The following SLC18A2 variants were observed in gnomAD, a reference collection of about 807,000 sequenced individuals.
SLC18A2 encodes the protein synaptic vesicular amine transporter.
A neutral mutation model predicts 59.2 loss-of-function variants in SLC18A2; 33 were observed. That is an observed-to-expected ratio of 0.56 (90% confidence interval 0.42 to 0.75). The LOEUF (loss-of-function observed/expected upper bound fraction) is 0.75, where lower values mean the gene tolerates loss of function less well. SLC18A2 is among the 30% of genes least tolerant of loss of function. The pLI, the probability that SLC18A2 is intolerant of heterozygous loss-of-function variation, is 0.00. For missense variants in SLC18A2, 569 were observed against 668.6 expected (o/e 0.85, Z 1.64); for synonymous variants, 228 against 253.5 (o/e 0.90, Z 0.95).
chr10:117,241,870 C>G (rs1245487922), intron 2 of SLC18A2, 56 bp downstream of exon 2: 11 of 1,516,772 alleles, frequency 7.3e-6, no homozygotes, highest in Non-Finnish European at 9.8e-6. Flanking sequence ...GCCCCTTCCC[C>G]GGCACTCCAC....
At chr10:117,270,722 C>G (rs898569520) in intron 15 of SLC18A2, among the ~76,000 whole-genome samples, 2 of 152,078 alleles carry the variant, frequency 1.3e-5, no homozygotes, top group African/African-American at 4.8e-5. Context: ...TTTTGTCGAC[C>G]AAGTATAAAC....
chr10:117,277,537 G>A lies in SLC18A2; in HGVS notation c.*271G>A, dbSNP rs1028985481. On this transcript the variant is annotated 3_prime_UTR_variant, in exon 16 of 16. Transcript: ENST00000644641. ...TCATACAATATATTTTGATGAAATA[G>A]GTATTGTGTAAATCTATAAATATTT... is the stretch of plus-strand genomic sequence containing the variant. The A allele has an allele frequency of 1.0e-5, 2 of 195,810 alleles. No homozygotes were observed. The highest frequency in any genetic ancestry group is 2.3e-5 in the African/African-American group (1 of 42,984). The allele number at this position is 195,810 out of a possible 1,614,324, so 12.1% of individuals were successfully genotyped here.
chr10:117,254,302 T>TATCAC, intron 5 of SLC18A2, 103 bp from the exon 6 acceptor site: 1 of 1,214,786 alleles, frequency 8.2e-7, no homozygotes. Flanking sequence ...ATCTGACAGG[T>TATCAC]TTGGGAAGAT....
chr10:117,253,712 G>T (rs1844190998), intron 4 of SLC18A2, among the ~76,000 whole-genome samples: 1 of 152,132 alleles, frequency 6.6e-6, no homozygotes, highest in Admixed American at 6.5e-5. Flanking sequence ...CAGGTGTGGT[G>T]GCATGCACCT....
chr10:117,262,238 C>T (rs1844301352), intron 10 of SLC18A2, among the ~76,000 whole-genome samples: 1 of 142,904 alleles, frequency 7.0e-6, no homozygotes, highest in South Asian at 2.1e-4. Context: ...TGAATTGTGT[C>T]ATAAAACAAA....
Position 117,255,377 on chromosome 10 carries a change from C to A in SLC18A2, c.790+11C>A. 6.2e-7 allele frequency: 1 copy of A among 1,614,182 alleles called. No individual in the cohort carries two copies. Among genetic ancestry groups the A allele is most frequent in the Non-Finnish European group, 8.5e-7 (1 of 1,179,978 alleles). ...TACTCTTGGATGGAGGTGAGTGAGTCCACGTGGGCGCCATGCCATGACCTT... is the reference window on the plus strand; with the variant it reads ...TACTCTTGGATGGAGGTGAGTGAGTACACGTGGGCGCCATGCCATGACCTT... On this transcript the variant is annotated intron_variant, in intron 7 of 15. Coordinates refer to ENST00000644641, the MANE Select transcript of SLC18A2 (RefSeq NM_003054.6).
At chr10:117,275,356 T>G (rs1018406691) in intron 15 of SLC18A2, among the ~76,000 whole-genome samples, 1 of 152,190 alleles carries the variant, frequency 6.6e-6, no homozygotes, top group African/African-American at 2.4e-5. Flanking sequence ...GAGTCGAGTC[T>G]TATCTGGGGA....
At chr10:117,245,832 C>T (rs1844105531) in intron 3 of SLC18A2, among the ~76,000 whole-genome samples, 1 of 152,076 alleles carries the variant, frequency 6.6e-6, no homozygotes, top group African/African-American at 2.4e-5. Context: ...CGGACAGGAG[C>T]ACATTCTCAA....
Position 117,269,184 on chromosome 10 carries a change from TACAC to T in SLC18A2, c.1187-880_1187-877del, listed in dbSNP as rs1030966093. On this transcript the variant is annotated intron_variant, in intron 13 of 15. Coordinates refer to ENST00000644641, the MANE Select transcript of SLC18A2 (RefSeq NM_003054.6). This position sits in a 1 kb window ranked among gnomAD's most constrained non-coding sequence, Gnocchi z 5.1. ...ACATACACACATACATATACACACA[TACAC>T]ACACACCTACACACATACACATACA... Among the ~76,000 whole-genome samples the T allele has an allele frequency of 2.8e-5, 4 of 141,234 alleles. No individual in the cohort carries two copies. Among genetic ancestry groups the T allele is most frequent in the South Asian group, 2.3e-4 (1 of 4,282 alleles). 92.7% of individuals were successfully genotyped at this position (141,234 alleles called of 152,430 possible).
chr10:117,241,434 C>T (rs1239730043), intron 1 of SLC18A2, among the ~76,000 whole-genome samples: 3 of 151,942 alleles, frequency 2.0e-5, no homozygotes, highest in African/African-American at 7.2e-5. Context: ...ATCAGGGCAG[C>T]GTCCTGGGGG....
At chr10:117,258,755 C>T (rs1394798506) in intron 10 of SLC18A2, among the ~76,000 whole-genome samples, 2 of 139,352 alleles carry the variant, frequency 1.4e-5, no homozygotes, top group African/African-American at 5.4e-5. Context: ...AATATGTGTA[C>T]ACCCCCGACT....
Position 117,270,148 on chromosome 10 carries a change from T to C in SLC18A2, c.1264T>C (p.Tyr422His). 6.2e-7 allele frequency: 1 copy of C among 1,614,256 alleles called. No homozygotes were observed. The highest frequency in any genetic ancestry group is 8.5e-7 in the Non-Finnish European group (1 of 1,180,050). The change falls in exon 14 of 16, where the codon TAC (tyrosine) becomes CAC (histidine). Residue 422 changes from tyrosine to histidine, a missense_variant. Physicochemically the swap from Tyr to His is moderately conservative, Grantham distance 83. This residue lies in a region of SLC18A2 where 192 missense variants were observed against 278.8 expected (regional missense o/e 0.69). Coordinates refer to ENST00000644641, the MANE Select transcript of SLC18A2 (RefSeq NM_003054.6). ...GCACGTGTCCGTCTATGGGAGTGTGTACGCCATTGCGGATGTGGCATTTTG... is the reference window on the plus strand; with the variant it reads ...GCACGTGTCCGTCTATGGGAGTGTGCACGCCATTGCGGATGTGGCATTTTG... The part of the protein sequence containing the change: ...LRHVSVYGSV[Y>H]AIADVAFCMG...
chr10:117,244,234 G>T lies in SLC18A2; in HGVS notation c.385G>T (p.Val129Leu), dbSNP rs773312784. Residue 129 changes from valine to leucine, a missense_variant, in exon 3 of 16, where the codon GTG (valine) becomes TTG (leucine). This residue lies in a region of SLC18A2 where 377 missense variants were observed against 389.8 expected (regional missense o/e 0.97). Transcript: ENST00000644641. ...AGACAAAGACCTCCTGAATGAAAAC[G>T]TGCAAGTTGGTCTGTTGTTTGCCTC... ...SEDKDLLNEN[V>L]QVGLLFASKA... The T allele has an allele frequency of 6.2e-7, 1 of 1,614,226 alleles. No individual in the cohort carries two copies. The highest frequency in any genetic ancestry group is 8.5e-7 in the Non-Finnish European group (1 of 1,180,048).
chr10:117,266,251 A>T (rs1410894174), intron 10 of SLC18A2, among the ~76,000 whole-genome samples: 1 of 152,232 alleles, frequency 6.6e-6, no homozygotes, highest in Non-Finnish European at 1.5e-5. Context: ...ATATATTTAT[A>T]TATGTAAATA....
intron 10 of SLC18A2, among the ~76,000 whole-genome samples, chr10:117,259,155 C>T (rs1480310421): frequency 3.3e-5 from 5 of 152,168 alleles, no homozygotes; most frequent in Non-Finnish European, 5.9e-5. Context: ...AATTATTGTT[C>T]ACAGCTGACT....
intron 13 of SLC18A2, chr10:117,268,542 A>G (rs1589984703): frequency 6.6e-6 from 1 of 151,942 alleles, no homozygotes; most frequent in Non-Finnish European, 1.5e-5. Flanking sequence ...TCCCCTTGCC[A>G]TTCTGCAGGT....
chr10:117,266,922 G>C, intron 11 of SLC18A2, 62 bp from the exon 12 acceptor site: 3 of 1,583,736 alleles, frequency 1.9e-6, no homozygotes, highest in Non-Finnish European at 2.6e-6. Flanking sequence ...GATTTTCATT[G>C]AAAATTTGGA....
Position 117,241,800 on chromosome 10 carries a change from T to C in SLC18A2, c.107T>C (p.Leu36Pro). 1 of 1,607,852 alleles carries C rather than the reference T, an allele frequency of 6.2e-7. No homozygotes were observed. The highest frequency in any genetic ancestry group is 8.5e-7 in the Non-Finnish European group (1 of 1,177,790). Residue 36 changes from leucine to proline, a missense_variant, in exon 2 of 16, where the codon CTG becomes CCG. Physicochemically the swap from Leu to Pro is moderately conservative, Grantham distance 98 (BLOSUM62 -3). This residue lies in a region of SLC18A2 where 377 missense variants were observed against 389.8 expected (regional missense o/e 0.97). Coordinates refer to ENST00000644641, the MANE Select transcript of SLC18A2 (RefSeq NM_003054.6). ...CTGGCGCTGCTGCTGGACAACATGC[T>C]GCTCACTGTCGTGGGTACGTGCGGA... ...VFLALLLDNM[L>P]LTVVVPIIPS...
chr10:117,278,953 G>GCTCTCTTTTTT lies in SLC18A2; in HGVS notation c.*1687_*1688insCTCTCTTTTTT, dbSNP rs1844539572. 1 of 152,152 alleles carries GCTCTCTTTTTT rather than the reference G, an allele frequency of 6.6e-6. No homozygotes were observed. Among genetic ancestry groups the GCTCTCTTTTTT allele is most frequent in the Non-Finnish European group, 1.5e-5 (1 of 68,032 alleles). 9.4% of individuals were successfully genotyped at this position (152,152 alleles called of 1,614,324 possible). A position where few individuals can be genotyped will look rare whatever the true frequency, so the allele number is the denominator to read the frequency against. On this transcript the variant is annotated 3_prime_UTR_variant, in exon 16 of 16. Coordinates refer to ENST00000644641, the MANE Select transcript of SLC18A2 (RefSeq NM_003054.6). ...CAGGGGTAGAGCCTTAAAAAAGAACGTGCTACAAATTGGTTCTCTTTGAGG... is the reference window on the plus strand; with the variant it reads ...CAGGGGTAGAGCCTTAAAAAAGAACGCTCTCTTTTTTTGCTACAAATTGGTTCTCTTTGAGG...
Sources: gnomAD v4.1 joint callset for allele counts (sites outside exome capture counted in the v4.1 genomes callset) on GRCh38, gnomAD v4.1.1 for gene constraint, gnomAD v4.1.1 regional missense constraint, Gnocchi (gnomAD v3.1) non-coding constraint, MANE v1.5 for transcripts, NCBI Gene and HGNC (gene_info 2026-07-23, HGNC 2026-07-21) for gene names.